The following UBAP1L variants were observed in gnomAD, a reference collection of about 807,000 sequenced individuals.
UBAP1L encodes the protein ubiquitin-associated protein 1-like.
Under a neutral mutation model 32.1 loss-of-function variants are expected in UBAP1L, and 32 were observed. The ratio of observed to expected loss-of-function variants is 1.00; its 90% CI spans 0.75 to 1.34. The LOEUF (loss-of-function observed/expected upper bound fraction) is 1.34, where lower values mean the gene tolerates loss of function less well. Ranked by LOEUF, UBAP1L falls within the 40% of genes most tolerant of loss-of-function variation. The pLI, the probability that UBAP1L is intolerant of heterozygous loss-of-function variation, is 0.00. For synonymous variants in UBAP1L, 243 were observed against 250.2 expected (o/e 0.97, Z 0.27); for missense variants, 516 against 540.5 (o/e 0.95, Z 0.45).
rs983754074 is a variant in UBAP1L, at chr15:65,094,103, C to T, written c.1011+372G>A. Among the ~76,000 whole-genome samples, 4 of 152,128 alleles carry T rather than the reference C, an allele frequency of 2.6e-5. No homozygotes were observed. The highest frequency in any genetic ancestry group is 4.4e-5 in the Non-Finnish European group (3 of 68,032). On this transcript the variant is annotated intron_variant, in intron 5 of 5. Transcript: ENST00000559089. The surrounding 1 kb of genome is among the most constrained non-coding windows in gnomAD (Gnocchi z 4.2). ...CTGCATGCACTTGGGGTAGGCGGCACGCTCCCCAAGTAGAAAGGTCATGCA... is the reference window on the plus strand; with the variant it reads ...CTGCATGCACTTGGGGTAGGCGGCATGCTCCCCAAGTAGAAAGGTCATGCA...
chr15:65,113,791 T>G (rs958505350), intron 1 of UBAP1L, among the ~76,000 whole-genome samples: 8 of 152,184 alleles, frequency 5.3e-5, no homozygotes. Flanking sequence ...CTGTTCATTC[T>G]TCAGAGCTCA....
chr15:65,110,139 T>A (rs1442626709), intron 1 of UBAP1L, among the ~76,000 whole-genome samples: 1 of 151,880 alleles, frequency 6.6e-6, no homozygotes, highest in Non-Finnish European at 1.5e-5. Context: ...GGCGGGCAGA[T>A]CACAAGGTCA....
intron 4 of UBAP1L, chr15:65,096,007 G>A (rs1443769066): frequency 6.6e-6 from 1 of 152,134 alleles, no homozygotes; most frequent in East Asian, 1.9e-4. Flanking sequence ...GCCTTGTCCG[G>A]GGTCCCAGGA....
intron 2 of UBAP1L, among the ~76,000 whole-genome samples, chr15:65,104,565 G>A (rs1367924000): frequency 6.6e-6 from 1 of 152,194 alleles, no homozygotes; most frequent in East Asian, 1.9e-4. Context: ...AGCAATAGGA[G>A]AACGATAAAG....
chr15:65,103,726 T>C (rs1327044392), intron 2 of UBAP1L, among the ~76,000 whole-genome samples: 5 of 152,028 alleles, frequency 3.3e-5, no homozygotes, highest in African/African-American at 1.2e-4. Context: ...TGGCCCAGAG[T>C]GGACATTTGT....
chr15:65,107,049 T>C (rs2087321062), intron 1 of UBAP1L, among the ~76,000 whole-genome samples: 1 of 152,112 alleles, frequency 6.6e-6, no homozygotes. Context: ...TAGAATAATA[T>C]AACACTGTCA....
intron 2 of UBAP1L, chr15:65,105,009 TGA>T (rs781197076): frequency 0.02 from 1,691 of 84,384 alleles, 80 homozygotes; most frequent in South Asian, 0.053. Flanking sequence ...CTGTCTCAAA[TGA>T]AAAAAAAAAA....
chr15:65,099,287 C>T (rs1052453047), intron 4 of UBAP1L: 2 of 564,840 alleles, frequency 3.5e-6, no homozygotes, highest in South Asian at 2.1e-5. Flanking sequence ...CTCAGGTCAC[C>T]CCCTTCCCAC....
rs1481817251 is a variant in UBAP1L at position 65,102,733 on chromosome 15, G to T, written c.121-49C>A. The T allele has an allele frequency of 6.7e-7, 1 of 1,502,450 alleles. No individual in the cohort carries two copies. The highest frequency in any genetic ancestry group is 2.5e-5 in the East Asian group (1 of 40,458). The allele number at this position is 1,502,450 out of a possible 1,614,324, so 93.1% of individuals were successfully genotyped here. ...GCCCAGGGCAAACCAGGACCCCGGG[G>T]GCACAACACTAACCCCTGGCCTGGG... On this transcript the variant is annotated intron_variant, in intron 2 of 5. Transcript: ENST00000559089. The surrounding 1 kb of genome is among the most constrained non-coding windows in gnomAD (Gnocchi z 5.0).
chr15:65,110,598 T>C (rs1354699204), intron 1 of UBAP1L, among the ~76,000 whole-genome samples: 2 of 147,552 alleles, frequency 1.4e-5, no homozygotes, highest in Non-Finnish European at 3.0e-5. Flanking sequence ...GGCAGGAGAA[T>C]TGCTTGAACC....
At position 65,094,470 on chromosome 15, in the gene UBAP1L, C is replaced by G. The variant is rs1312580353; in HGVS notation, c.1011+5G>C. 1.9e-6 allele frequency: 3 copies of G among 1,547,864 alleles called. No individual in the cohort carries two copies. ...CCTGGGGCCCTGGCAGGAAGCCCTG[C>G]TGACCTGGCTCTCGGAGAACTGGAA... On this transcript the variant is annotated splice_donor_5th_base_variant and intron_variant, in intron 5 of 5. Transcript: ENST00000559089. This position sits in a 1 kb window ranked among gnomAD's most constrained non-coding sequence, Gnocchi z 4.2.
chr15:65,113,969 C>T (rs1384150438), intron 1 of UBAP1L, among the ~76,000 whole-genome samples: 1 of 152,096 alleles, frequency 6.6e-6, no homozygotes, highest in Non-Finnish European at 1.5e-5. Context: ...TCACTGCAAT[C>T]TCTGCCTCCC....
At chr15:65,096,996 GAACA>G (rs966480239) in intron 4 of UBAP1L, 2 of 152,242 alleles carry the variant, frequency 1.3e-5, no homozygotes, top group African/African-American at 4.8e-5. Flanking sequence ...GGACTTCACA[GAACA>G]GACAGAAATA....
intron 5 of UBAP1L, among the ~76,000 whole-genome samples, chr15:65,093,618 A>G (rs1048028414): frequency 6.6e-6 from 1 of 152,124 alleles, no homozygotes; most frequent in South Asian, 2.1e-4. Flanking sequence ...CGCAGCCTGC[A>G]CTTTCCTTCC....
At chr15:65,110,344 T>A (rs1331537382) in intron 1 of UBAP1L, among the ~76,000 whole-genome samples, 1 of 145,260 alleles carries the variant, frequency 6.9e-6, no homozygotes, top group Admixed American at 7.0e-5. Context: ...GGTGACAGAG[T>A]GAGACTCTGT....
chr15:65,098,504 C>T (rs1246943991), intron 4 of UBAP1L: 4 of 152,130 alleles, frequency 2.6e-5, no homozygotes, highest in Non-Finnish European at 5.9e-5. Flanking sequence ...ATCTGTTTTT[C>T]CCCTGTGTAA....
rs1304307085 is a variant in UBAP1L, at chr15:65,099,610, C to T, written c.804G>A (p.Leu268=). ...CAATGAGGTCTTGCTCCTCCTGGCT[C>T]AGGGCGGACAGCAGGTCAGCCGCAG... is the stretch of plus-strand genomic sequence containing the variant. ...PDTAADLLSA[L]SQEEQDLIGP... Residue 268 remains leucine, a synonymous_variant, in exon 4 of 6, where the codon CTG becomes CTA. Transcript: ENST00000559089. 2 of 1,551,628 alleles carry T rather than the reference C, an allele frequency of 1.3e-6. No individual in the cohort carries two copies. The highest frequency in any genetic ancestry group is 3.9e-5 in the Admixed American group (2 of 51,014).
chr15:65,105,571 A>C (rs1347967763), intron 2 of UBAP1L: 1 of 577,246 alleles, frequency 1.7e-6, no homozygotes, highest in African/African-American at 1.8e-5. Context: ...AACCCCATAA[A>C]ATCATGCAAA....
At chr15:65,105,009 TGAAAAAA>T (rs1186738992) in intron 2 of UBAP1L, 9 of 85,086 alleles carry the variant, frequency 1.1e-4, no homozygotes, top group South Asian at 2.2e-4. Context: ...CTGTCTCAAA[TGAAAAAA>T]AAAAAAAAAA....
Sources: gnomAD v4.1 joint callset for allele counts (sites outside exome capture counted in the v4.1 genomes callset) on GRCh38, gnomAD v4.1.1 for gene constraint, Gnocchi (gnomAD v3.1) non-coding constraint, MANE v1.5 for transcripts, NCBI Gene and HGNC (gene_info 2026-07-23, HGNC 2026-07-21) for gene names.